ACOXL: variants seen among roughly 807,000 people sequenced by gnomAD.
The protein encoded by ACOXL is acyl-CoA oxidase like.
Under a neutral mutation model 71.9 loss-of-function variants are expected in ACOXL, and 70 were observed. The ratio of observed to expected loss-of-function variants is 0.97; its 90% CI spans 0.80 to 1.19. ACOXL has a LOEUF of 1.19. ACOXL is among the 50% of genes most tolerant of loss of function. The pLI is 0.00. For synonymous variants in ACOXL, 253 were observed against 281.6 expected (o/e 0.90, Z 1.02); for missense variants, 703 against 736.3 (o/e 0.95, Z 0.52).
intron 16 of ACOXL, among the ~76,000 whole-genome samples, chr2:111,084,524 C>A (rs928704276): frequency 4.6e-5 from 7 of 152,130 alleles, no homozygotes; most frequent in African/African-American, 1.7e-4. Flanking sequence ...AAAAAGAAAG[C>A]AAAGCTACTT....
At chr2:111,041,961 A>C (rs990881571) in intron 15 of ACOXL, among the ~76,000 whole-genome samples, 1 of 152,156 alleles carries the variant, frequency 6.6e-6, no homozygotes, top group African/African-American at 2.4e-5. Flanking sequence ...CGGGTTTGCA[A>C]TGCCCCCCAT....
At chr2:110,788,528 T>G (rs942986730) in intron 3 of ACOXL, among the ~76,000 whole-genome samples, 7 of 152,128 alleles carry the variant, frequency 4.6e-5, no homozygotes, top group African/African-American at 1.4e-4. Flanking sequence ...AGTTTTTTTT[T>G]GGGATGATGA....
chr2:110,750,490 T>C (rs1281252063), intron 1 of ACOXL, among the ~76,000 whole-genome samples: 1 of 151,698 alleles, frequency 6.6e-6, no homozygotes, highest in African/African-American at 2.4e-5. Flanking sequence ...AAACCAACTT[T>C]TGTGCACAAA....
chr2:110,786,124 T>C (rs1466489507), intron 3 of ACOXL, among the ~76,000 whole-genome samples: 5 of 152,096 alleles, frequency 3.3e-5, no homozygotes, highest in Non-Finnish European at 2.9e-5. Flanking sequence ...GGCCCTCCTT[T>C]CCCTCCCTGG....
chr2:111,076,739 T>C (rs544765485), intron 16 of ACOXL, among the ~76,000 whole-genome samples: 3 of 152,316 alleles, frequency 2.0e-5, no homozygotes, highest in African/African-American at 7.2e-5. Flanking sequence ...AAATTATTCT[T>C]TCATAGTTTT....
intron 16 of ACOXL, among the ~76,000 whole-genome samples, chr2:111,064,979 GA>G (rs754763696): frequency 2.0e-5 from 3 of 152,112 alleles, no homozygotes; most frequent in South Asian, 2.1e-4. Flanking sequence ...ATTTCAGCAA[GA>G]TTTTTTTATT....
At chr2:111,004,420 G>T (rs1181140062) in intron 14 of ACOXL, among the ~76,000 whole-genome samples, 1 of 152,176 alleles carries the variant, frequency 6.6e-6, no homozygotes, top group African/African-American at 2.4e-5. Flanking sequence ...AGACCATTGA[G>T]TTCTCATGAA....
At chr2:111,002,666 A>G (rs1214830628) in intron 14 of ACOXL, among the ~76,000 whole-genome samples, 1 of 151,930 alleles carries the variant, frequency 6.6e-6, no homozygotes, top group Non-Finnish European at 1.5e-5. Context: ...TATTTCTCCA[A>G]CTTTCTAAGT....
chr2:110,908,655 T>G, intron 10 of ACOXL, 134 bp from the exon 11 acceptor site: 1 of 702,864 alleles, frequency 1.4e-6, no homozygotes. Context: ...CCTAACCACA[T>G]TTTAGGAAAT....
At chr2:111,021,288 G>A (rs937797026) in intron 14 of ACOXL, among the ~76,000 whole-genome samples, 2 of 152,290 alleles carry the variant, frequency 1.3e-5, no homozygotes, top group African/African-American at 2.4e-5. Flanking sequence ...CCCCGAATCC[G>A]GGATACAGTC....
chr2:110,838,290 G>A (rs1210449217), intron 9 of ACOXL, among the ~76,000 whole-genome samples: 3 of 152,196 alleles, frequency 2.0e-5, no homozygotes, highest in Non-Finnish European at 2.9e-5. Context: ...GTGTGCACAC[G>A]TGTGAATGTG....
chr2:110,893,442 A>G (rs577531567), intron 10 of ACOXL, among the ~76,000 whole-genome samples: 41 of 152,360 alleles, frequency 2.7e-4, no homozygotes, highest in African/African-American at 9.4e-4. Flanking sequence ...GTCATTTGAA[A>G]GGAAAAATAC....
chr2:110,873,912 C>T (rs907596440), intron 10 of ACOXL, among the ~76,000 whole-genome samples: 1 of 152,220 alleles, frequency 6.6e-6, no homozygotes, highest in Non-Finnish European at 1.5e-5. Context: ...GTGTATGAGG[C>T]TGAGGATGAG....
chr2:110,853,659 G>A (rs1382515443), intron 10 of ACOXL, among the ~76,000 whole-genome samples: 1 of 152,116 alleles, frequency 6.6e-6, no homozygotes, highest in Admixed American at 6.5e-5. Flanking sequence ...CACTTTTACG[G>A]TTGTCTGTGC....
intron 1 of ACOXL, among the ~76,000 whole-genome samples, chr2:110,739,665 G>A (rs113140171): frequency 5.6e-4 from 86 of 152,320 alleles, no homozygotes; most frequent in Middle Eastern, 3.4e-3. Flanking sequence ...TAAACCCTCA[G>A]GCTTTGATGG....
At chr2:111,025,965 T>C (rs2065000628) in intron 14 of ACOXL, among the ~76,000 whole-genome samples, 1 of 152,212 alleles carries the variant, frequency 6.6e-6, no homozygotes, top group African/African-American at 2.4e-5. Flanking sequence ...ATTTATTTCT[T>C]TGTTTTTTCA....
intron 9 of ACOXL, among the ~76,000 whole-genome samples, chr2:110,828,557 A>G (rs1310381316): frequency 6.6e-6 from 1 of 152,262 alleles, no homozygotes. Context: ...GTAAATATCA[A>G]CAATGACTAA....
At chr2:111,053,064 A>G (rs1390916178) in intron 16 of ACOXL, among the ~76,000 whole-genome samples, 1 of 152,168 alleles carries the variant, frequency 6.6e-6, no homozygotes, top group Non-Finnish European at 1.5e-5. Context: ...TGAGCAGGTC[A>G]CTTTTATCTC....
intron 12 of ACOXL, among the ~76,000 whole-genome samples, chr2:110,965,855 T>C (rs745672672): frequency 6.6e-6 from 1 of 152,116 alleles, no homozygotes; most frequent in African/African-American, 2.4e-5. Context: ...CCTTATTGTC[T>C]CCCATATATC....
Sources: allele counts gnomAD v4.1 joint callset (sites outside exome capture counted in the v4.1 genomes callset), GRCh38; gene constraint gnomAD v4.1.1; transcripts MANE v1.5; gene names NCBI Gene and HGNC (gene_info 2026-07-23, HGNC 2026-07-21).